MOSPD1: variants seen among roughly 807,000 people sequenced by gnomAD.
MOSPD1 encodes motile sperm domain-containing protein 1.
MOSPD1 carries 5 observed loss-of-function variants against 16.7 expected under a neutral mutation model. The observed-to-expected ratio is 0.30, with a 90% CI of 0.16 to 0.63. The LOEUF (loss-of-function observed/expected upper bound fraction) is 0.63. Among genes scored for constraint, MOSPD1 ranks in the 30% least tolerant of loss-of-function variants. MOSPD1 has a pLI of 0.82. For synonymous variants in MOSPD1, 67 were observed against 59.2 expected, an observed-to-expected ratio of 1.13 and a Z score of -0.61; for missense variants, 104 against 153.6, an observed-to-expected ratio of 0.68 and a Z score of 1.71.
intron 1 of MOSPD1, among the ~76,000 whole-genome samples, chrX:134,914,646 C>T (rs745401169): frequency 6.4e-4 from 72 of 112,291 alleles, no homozygotes; most frequent in Non-Finnish European, 9.0e-4. Context: ...TCATCTCCCT[C>T]CAGGCAAAGA....
chrX:134,896,825 A>G lies in MOSPD1; in HGVS notation c.440T>C (p.Phe147Ser), dbSNP rs1427576830. 1 of 1,206,729 alleles carries G rather than the reference A, an allele frequency of 8.3e-7. No individual in the cohort carries two copies. ...LTESLFFEQS[F>S]QPENRAVSSG... Reference sequence around the variant, plus strand: ...AAACAACCCAAAACTACCTGGTTGAAACGACTGCTCAAAAAATAAACTTTC... The same window carrying G: ...AAACAACCCAAAACTACCTGGTTGAGACGACTGCTCAAAAAATAAACTTTC... Residue 147 changes from phenylalanine (F) to serine (S), a missense_variant, in exon 4 of 6, where the codon TTT (phenylalanine) becomes TCT (serine). Phe to Ser is a radical substitution (Grantham distance 155). Transcript: ENST00000370783.
chrX:134,897,852 G>C (rs1358371114), intron 3 of MOSPD1, among the ~76,000 whole-genome samples: 1 of 111,427 alleles, frequency 9.0e-6, no homozygotes, highest in Non-Finnish European at 1.9e-5. Flanking sequence ...AAAGAGAAAA[G>C]AGTATACAGC....
At chrX:134,890,263 T>C (rs189934746) in intron 5 of MOSPD1, among the ~76,000 whole-genome samples, 10 of 110,039 alleles carry the variant, frequency 9.1e-5, no homozygotes, top group African/African-American at 3.3e-4. Context: ...CTAGATAAAA[T>C]TGGCTCAGAG....
chrX:134,907,882 C>A, intron 1 of MOSPD1, among the ~76,000 whole-genome samples: 1 of 112,560 alleles, frequency 8.9e-6, no homozygotes, highest in South Asian at 3.6e-4. Context: ...GATTCTTCCA[C>A]CTCAGCCTCC....
chrX:134,911,264 A>G (rs1460721802), intron 1 of MOSPD1, among the ~76,000 whole-genome samples: 1 of 112,024 alleles, frequency 8.9e-6, no homozygotes, highest in East Asian at 2.8e-4. Context: ...CTGAGTAGTT[A>G]CTATAAAAAA....
intron 5 of MOSPD1, 75 bp from the exon 6 acceptor site, chrX:134,889,267 G>T: frequency 1.2e-6 from 1 of 807,273 alleles, no homozygotes; most frequent in South Asian, 3.3e-5. Flanking sequence ...CAATTGTTTG[G>T]ACCTCAATGA....
chrX:134,906,043 G>T (rs1482254391), intron 1 of MOSPD1, among the ~76,000 whole-genome samples: 2 of 111,177 alleles, frequency 1.8e-5, no homozygotes, highest in African/African-American at 6.5e-5. Flanking sequence ...CTTTCTCTTT[G>T]TGAGTTGAAC....
rs1222814243 is a variant in MOSPD1 at position 134,887,735 on chromosome X, T to G, written c.*1426A>C. On this transcript the variant is annotated 3_prime_UTR_variant, in exon 6 of 6. Coordinates refer to ENST00000370783, the MANE Select transcript of MOSPD1 (RefSeq NM_019556.3). ...TGCACACACGTGCACACACAGGACT[T>G]GAGATGGAGAAACAAGAATAGCCTC... 2.6e-5 allele frequency: 3 copies of G among 113,425 alleles called. No homozygotes were observed. Among genetic ancestry groups the G allele is most frequent in the Non-Finnish European group, 5.6e-5 (3 of 53,383 alleles). The allele number at this position is 113,425 out of a possible 1,213,427, so 9.3% of individuals were successfully genotyped here.
At chrX:134,907,016 G>A (rs1361830976) in intron 1 of MOSPD1, among the ~76,000 whole-genome samples, 4 of 111,329 alleles carry the variant, frequency 3.6e-5, no homozygotes, top group African/African-American at 1.3e-4. Context: ...ATCACCTGAG[G>A]TCAAGAGTTT....
rs1049326282 is a variant in MOSPD1, at chrX:134,888,821, C to T, written c.*340G>A. 1.7e-5 allele frequency: 2 copies of T among 116,913 alleles called. No homozygotes were observed. Among genetic ancestry groups the T allele is most frequent in the African/African-American group, 6.5e-5 (2 of 30,823 alleles). 9.6% of individuals were successfully genotyped at this position (116,913 alleles called of 1,213,427 possible). ...TCAGTTTGCTCTTTTAGTCCTGTAA[C>T]TTCGAAGCATACATGACCCCTAGCA... On this transcript the variant is annotated 3_prime_UTR_variant, in exon 6 of 6. Transcript: ENST00000370783.
At chrX:134,902,390 CATAAATAAATAAATAA>C (rs763157635) in intron 1 of MOSPD1, among the ~76,000 whole-genome samples, 8 of 99,531 alleles carry the variant, frequency 8.0e-5, no homozygotes, top group African/African-American at 2.3e-4. Flanking sequence ...AATTCCGTCT[CATAAATAAATAAATAA>C]ATAAATAAAT....
chrX:134,914,023 G>GT (rs1317215516), intron 1 of MOSPD1, among the ~76,000 whole-genome samples: 1 of 112,038 alleles, frequency 8.9e-6, no homozygotes, highest in East Asian at 2.8e-4. Flanking sequence ...AGTACTCAGA[G>GT]TAAGTGTGGA....
intron 1 of MOSPD1, among the ~76,000 whole-genome samples, chrX:134,903,711 C>CAAAAAAAAAAAAAAAA (rs772831491): frequency 5.5e-5 from 3 of 54,945 alleles, no homozygotes; most frequent in African/African-American, 7.7e-5. Context: ...GACTCCATCT[C>CAAAAAAAAAAAAAAAA]AAAAAAAAAA....
chrX:134,901,612 G>GCA (rs1273311109), intron 1 of MOSPD1, among the ~76,000 whole-genome samples: 4 of 107,758 alleles, frequency 3.7e-5, no homozygotes, highest in Non-Finnish European at 7.7e-5. Context: ...TCACACCACT[G>GCA]CACTCCAGCC....
intron 1 of MOSPD1, among the ~76,000 whole-genome samples, chrX:134,904,701 A>G (rs2082932108): frequency 9.1e-6 from 1 of 110,407 alleles, no homozygotes; most frequent in Non-Finnish European, 1.9e-5. Flanking sequence ...GTCTCTACTA[A>G]ACATACTAAA....
At chrX:134,906,174 CT>C (rs765109385) in intron 1 of MOSPD1, among the ~76,000 whole-genome samples, 252 of 56,612 alleles carry the variant, frequency 4.5e-3, no homozygotes, top group African/African-American at 0.015. Flanking sequence ...CCATTTATCA[CT>C]TTTTTTTTTT....
chrX:134,913,595 TA>T (rs1306331248), intron 1 of MOSPD1, among the ~76,000 whole-genome samples: 1 of 111,817 alleles, frequency 8.9e-6, no homozygotes, highest in Non-Finnish European at 1.9e-5. Context: ...CAAATGTACA[TA>T]AACAATTTAA....
In MOSPD1 at chrX:134,887,939, AC is replaced by A. The variant is rs1239587515; in HGVS notation, c.*1221del. 8.9e-6 allele frequency: 1 copy of A among 112,764 alleles called. No homozygotes were observed. Among genetic ancestry groups the A allele is most frequent in the Non-Finnish European group, 1.9e-5 (1 of 53,261 alleles). 9.3% of individuals were successfully genotyped at this position (112,764 alleles called of 1,213,427 possible). On this transcript the variant is annotated 3_prime_UTR_variant, in exon 6 of 6. Coordinates refer to ENST00000370783, the MANE Select transcript of MOSPD1 (RefSeq NM_019556.3). ...GAAGCAGAGACTGTTTTCTGCAAAA[AC>A]CAACCTCAGGCATACATTTGTGTTT... is the stretch of plus-strand genomic sequence containing the variant.
chrX:134,896,237 A>G (rs186088704), intron 4 of MOSPD1, among the ~76,000 whole-genome samples: 6 of 112,000 alleles, frequency 5.4e-5, no homozygotes, highest in Non-Finnish European at 7.5e-5. Flanking sequence ...AGAATATATC[A>G]TAACACTTCT....
Sources: gnomAD v4.1 joint callset for allele counts (sites outside exome capture counted in the v4.1 genomes callset) on GRCh38, gnomAD v4.1.1 for gene constraint, MANE v1.5 for transcripts, NCBI Gene and HGNC (gene_info 2026-07-23, HGNC 2026-07-21) for gene names.